The following SGCZ variants were observed in gnomAD, a reference collection of about 807,000 sequenced individuals.
SGCZ encodes sarcoglycan zeta.
Under a neutral mutation model 41.3 loss-of-function variants are expected in SGCZ, and 40 were observed. The observed-to-expected ratio is 0.97, with a 90% CI of 0.75 to 1.26. The LOEUF is 1.26. Among genes scored for constraint, SGCZ ranks in the 50% most tolerant of loss-of-function variants. The pLI is 0.00. For synonymous variants in SGCZ, 206 were observed against 137.5 expected (o/e 1.50, Z -3.49); for missense variants, 552 against 369.8 (o/e 1.49, Z -4.04).
intron 1 of SGCZ, among the ~76,000 whole-genome samples, chr8:15,105,813 G>C (rs953425729): frequency 6.6e-6 from 1 of 152,070 alleles, no homozygotes; most frequent in Non-Finnish European, 1.5e-5. Flanking sequence ...TTCTATAATT[G>C]AGTGCTGTTA....
At chr8:14,579,521 A>G (rs1470142671) in intron 1 of SGCZ, among the ~76,000 whole-genome samples, 1 of 152,200 alleles carries the variant, frequency 6.6e-6, no homozygotes, top group Non-Finnish European at 1.5e-5. Flanking sequence ...GATTCTTTAC[A>G]CTATTAAAGT....
At chr8:14,418,436 G>T (rs1799554632) in intron 2 of SGCZ, among the ~76,000 whole-genome samples, 1 of 151,876 alleles carries the variant, frequency 6.6e-6, no homozygotes, top group South Asian at 2.1e-4. Context: ...CGGACTTCTG[G>T]TAGTATGATT....
chr8:15,166,348 C>T (rs1351442733), intron 1 of SGCZ, among the ~76,000 whole-genome samples: 1 of 151,632 alleles, frequency 6.6e-6, no homozygotes, highest in Admixed American at 6.6e-5. Flanking sequence ...CCCGGGTTCA[C>T]ACCATTCTCC....
intron 2 of SGCZ, among the ~76,000 whole-genome samples, chr8:14,503,486 G>A (rs534147876): frequency 5.9e-5 from 9 of 151,942 alleles, no homozygotes; most frequent in Non-Finnish European, 8.8e-5. Flanking sequence ...AAACAATAAC[G>A]CGGCCAGTCT....
chr8:14,728,192 A>G (rs1235105135), intron 1 of SGCZ, among the ~76,000 whole-genome samples: 2 of 152,216 alleles, frequency 1.3e-5, no homozygotes, highest in Non-Finnish European at 2.9e-5. Context: ...ATCGAAGCAA[A>G]CACTTGAAGT....
intron 1 of SGCZ, among the ~76,000 whole-genome samples, chr8:14,631,199 G>A (rs1806640098): frequency 6.6e-6 from 1 of 151,948 alleles, no homozygotes; most frequent in African/African-American, 2.4e-5. Context: ...CCTCCTCAGG[G>A]GTGAGGAGTC....
chr8:14,531,642 G>C (rs554504944), intron 2 of SGCZ, among the ~76,000 whole-genome samples: 1 of 152,188 alleles, frequency 6.6e-6, no homozygotes, highest in East Asian at 1.9e-4. Flanking sequence ...TAGCCATGAA[G>C]ATAATGAAGA....
intron 1 of SGCZ, among the ~76,000 whole-genome samples, chr8:15,110,682 A>G (rs368243764): frequency 5.3e-5 from 8 of 152,282 alleles, no homozygotes; most frequent in South Asian, 4.1e-4. Context: ...GAAAGTTTTT[A>G]AAGAGGCCAG....
chr8:14,510,766 T>C (rs1356099057), intron 2 of SGCZ, among the ~76,000 whole-genome samples: 4 of 151,904 alleles, frequency 2.6e-5, no homozygotes, highest in Non-Finnish European at 4.4e-5. Flanking sequence ...AAACTTGCAG[T>C]TGTGAATCGC....
chr8:14,280,834 G>A (rs982769005), intron 3 of SGCZ, among the ~76,000 whole-genome samples: 20 of 150,948 alleles, frequency 1.3e-4, no homozygotes, highest in Admixed American at 4.6e-4. Flanking sequence ...TATATGAAAG[G>A]TGGTTTCACT....
At chr8:14,260,797 G>C (rs891008325) in intron 3 of SGCZ, among the ~76,000 whole-genome samples, 1 of 152,058 alleles carries the variant, frequency 6.6e-6, no homozygotes, top group African/African-American at 2.4e-5. Context: ...GTCCTTTGTA[G>C]GGACATGGAT....
intron 2 of SGCZ, among the ~76,000 whole-genome samples, chr8:14,489,018 A>T (rs2117023889): frequency 6.9e-6 from 1 of 144,030 alleles, no homozygotes; most frequent in East Asian, 2.0e-4. Flanking sequence ...TATATAATAT[A>T]AAGATAAAAC....
chr8:15,162,084 A>G (rs1799527380), intron 1 of SGCZ, among the ~76,000 whole-genome samples: 2 of 152,238 alleles, frequency 1.3e-5, no homozygotes. Context: ...CAGTTTCTTA[A>G]AGAATTTTAA....
intron 3 of SGCZ, among the ~76,000 whole-genome samples, chr8:14,257,702 A>C (rs1052326346): frequency 1.3e-5 from 2 of 148,524 alleles, no homozygotes; most frequent in African/African-American, 4.9e-5. Flanking sequence ...CTCATGGTTG[A>C]ATTCCCACCT....
rs543259987 is a variant in SGCZ at position 15,009,802 on chromosome 8, T to A, written c.39+227783A>T. Among the ~76,000 whole-genome samples the A allele has an allele frequency of 3.9e-5, 6 of 152,340 alleles. No individual in the cohort carries two copies. In the South Asian group the frequency reaches 1.2e-3, roughly 32 times the overall value. On this transcript the variant is annotated intron_variant, in intron 1 of 7. Transcript: ENST00000382080. ...TTTGAATGACCTGGTATTTCTCATATGGATAAGCCTCTGTCCATTTTTTTA... is the reference window on the plus strand; with the variant it reads ...TTTGAATGACCTGGTATTTCTCATAAGGATAAGCCTCTGTCCATTTTTTTA...
intron 4 of SGCZ, among the ~76,000 whole-genome samples, chr8:14,194,121 G>A (rs1563178445): frequency 6.6e-6 from 1 of 151,664 alleles, no homozygotes; most frequent in Non-Finnish European, 1.5e-5. Flanking sequence ...ATACGTAAGA[G>A]ATTTATCCAC....
intron 1 of SGCZ, among the ~76,000 whole-genome samples, chr8:14,575,295 T>G (rs1804673382): frequency 1.3e-5 from 2 of 152,208 alleles, no homozygotes; most frequent in Non-Finnish European, 2.9e-5. Flanking sequence ...TGTACAGGTA[T>G]GGCTACTTTG....
intron 1 of SGCZ, among the ~76,000 whole-genome samples, chr8:15,018,962 A>G (rs1803145925): frequency 6.6e-6 from 1 of 152,168 alleles, no homozygotes; most frequent in African/African-American, 2.4e-5. Context: ...GGAAGAAGGG[A>G]TGTCTTACAT....
intron 1 of SGCZ, among the ~76,000 whole-genome samples, chr8:14,829,837 A>G (rs568195479): frequency 1.3e-5 from 2 of 152,120 alleles, no homozygotes; most frequent in African/African-American, 4.8e-5. Flanking sequence ...TTTTGGACGG[A>G]TTCTCGCTCT....
Sources: gnomAD v4.1 joint callset for allele counts (sites outside exome capture counted in the v4.1 genomes callset) on GRCh38, gnomAD v4.1.1 for gene constraint, MANE v1.5 for transcripts, NCBI Gene and HGNC (gene_info 2026-07-23, HGNC 2026-07-21) for gene names.